SUMF2: variants seen among roughly 807,000 people sequenced by gnomAD.
The protein encoded by SUMF2 is inactive C-alpha-formylglycine-generating enzyme 2.
A neutral mutation model predicts 44.8 loss-of-function variants in SUMF2; 45 were observed. The observed-to-expected ratio is 1.00, with a 90% CI of 0.79 to 1.29. The LOEUF is 1.29. Among genes scored for constraint, SUMF2 ranks in the 50% most tolerant of loss-of-function variants. SUMF2 has a pLI of 0.00. For synonymous variants in SUMF2, 148 were observed against 150.4 expected, an observed-to-expected ratio of 0.98 and a Z score of 0.12; for missense variants, 418 against 389.9, an observed-to-expected ratio of 1.07 and a Z score of -0.61.
At chr7:56,071,715 G>A (rs1291030130) in intron 2 of SUMF2, among the ~76,000 whole-genome samples, 2 of 151,798 alleles carry the variant, frequency 1.3e-5, no homozygotes, top group Non-Finnish European at 2.9e-5. Flanking sequence ...AACCCAGGAG[G>A]TAGAGGTTGC....
the SUMF2 span, among the ~76,000 whole-genome samples, chr7:56,086,438 C>T: frequency 2.0e-5 from 3 of 152,072 alleles, no homozygotes; most frequent in East Asian, 3.9e-4. Context: ...TTTGGGAGGC[C>T]GAGGTGGGAG....
chr7:56,071,011 T>C (rs1345164982), intron 2 of SUMF2, among the ~76,000 whole-genome samples: 2 of 152,216 alleles, frequency 1.3e-5, no homozygotes, highest in Non-Finnish European at 1.5e-5. Flanking sequence ...GGAAATTTTT[T>C]TGGAGGTGAC....
intron 5 of SUMF2, among the ~76,000 whole-genome samples, chr7:56,076,028 A>ATT (rs71015183): frequency 3.9e-4 from 49 of 125,354 alleles, no homozygotes; most frequent in African/African-American, 7.6e-4. Flanking sequence ...ATGCCCGGCT[A>ATT]TTTTTTTTTT....
At chr7:56,087,296 A>G in the SUMF2 span, among the ~76,000 whole-genome samples, 109 of 151,672 alleles carry the variant, frequency 7.2e-4, no homozygotes, top group African/African-American at 2.5e-3. Context: ...ATCATAACTC[A>G]CTGCAGCCTC....
At position 56,064,301 on chromosome 7, in the gene SUMF2, C is replaced by T. The variant is rs1361736647; in HGVS notation, c.-11C>T. ...GGCCGTGGGTGTACGCGGCGCAGCG[C>T]GGCAGTCCTGATGGCCCGGCATGGG... On this transcript the variant is annotated 5_prime_UTR_variant, in exon 1 of 9. Transcript: ENST00000434526. 5 of 1,583,866 alleles carry T rather than the reference C, an allele frequency of 3.2e-6. No homozygotes were observed. The highest frequency in any genetic ancestry group is 1.3e-5 in the African/African-American group (1 of 74,302).
chr7:56,083,241 C>A, downstream of SUMF2: 2 of 1,605,538 alleles, frequency 1.2e-6, no homozygotes, highest in South Asian at 1.1e-5. Flanking sequence ...ATTGAGCACC[C>A]GAGGCCTGGA....
chr7:56,086,308 A>C, the SUMF2 span, among the ~76,000 whole-genome samples: 1 of 152,052 alleles, frequency 6.6e-6, no homozygotes. Context: ...CTATATGTAC[A>C]TACCTAAGAT....
At chr7:56,068,445 T>C (rs1248061078) in intron 1 of SUMF2, 37 bp from the exon 2 acceptor site, 60 of 1,568,260 alleles carry the variant, frequency 3.8e-5, no homozygotes, top group Non-Finnish European at 5.1e-5. Context: ...TTTATATATA[T>C]GCATGTATTA....
At chr7:56,076,028 ATTTT>A (rs71015183) in intron 5 of SUMF2, among the ~76,000 whole-genome samples, 1 of 125,348 alleles carries the variant, frequency 8.0e-6, no homozygotes, top group Non-Finnish European at 1.6e-5. Flanking sequence ...ATGCCCGGCT[ATTTT>A]TTTTTTTTTT....
chr7:56,065,800 G>A (rs1424561638), intron 1 of SUMF2, among the ~76,000 whole-genome samples: 7 of 151,958 alleles, frequency 4.6e-5, no homozygotes, highest in Non-Finnish European at 8.8e-5. Context: ...AACTGAAAAT[G>A]GGCCAGGTGA....
At chr7:56,073,291 C>G in intron 3 of SUMF2, 180 bp downstream of exon 3, 1 of 669,890 alleles carries the variant, frequency 1.5e-6, no homozygotes, top group Non-Finnish European at 2.8e-6. Context: ...GAAGTTAACC[C>G]TGAACCCAAG....
chr7:56,083,639 G>T (rs1320258643), downstream of SUMF2: 1 of 1,577,744 alleles, frequency 6.3e-7, no homozygotes, highest in Non-Finnish European at 8.6e-7. Flanking sequence ...GAAGGGCAAA[G>T]GGACCCTCAC....
At chr7:56,084,872 C>T (rs561048439), downstream of SUMF2, among the ~76,000 whole-genome samples, 23 of 152,270 alleles carry the variant, frequency 1.5e-4, no homozygotes, top group African/African-American at 5.1e-4. Context: ...ATAGCTTCCC[C>T]CAGCAACTTC....
the SUMF2 span, chr7:56,087,776 C>T: frequency 2.1e-5 from 33 of 1,609,612 alleles, no homozygotes; most frequent in African/African-American, 4.0e-5. Context: ...TGCTAACGCC[C>T]CTGGGAGTGC....
At chr7:56,081,199 A>G, downstream of SUMF2, 1 of 1,613,902 alleles carries the variant, frequency 6.2e-7, no homozygotes, top group Non-Finnish European at 8.5e-7. The surrounding 1 kb of genome is among the most constrained non-coding windows in gnomAD (Gnocchi z 4.6). Flanking sequence ...CAGAGGCCGG[A>G]GGGCATAGGG....
downstream of SUMF2, chr7:56,084,358 G>A (rs1005804582): frequency 7.1e-6 from 4 of 566,478 alleles, no homozygotes; most frequent in Admixed American, 3.4e-5. Context: ...TCAGAAGGAC[G>A]TGAGTATCCC....
chr7:56,071,018 T>G (rs1795120839), intron 2 of SUMF2, among the ~76,000 whole-genome samples: 1 of 152,156 alleles, frequency 6.6e-6, no homozygotes, highest in South Asian at 2.1e-4. Context: ...TTTTTGGAGG[T>G]GACCGATGGA....
rs78007715 is a variant in SUMF2, at chr7:56,079,076, G to A, written c.822-452G>A. On this transcript the variant is annotated intron_variant, in intron 8 of 8. Transcript: ENST00000434526. ...TTTTGTAGAGATGAGTTTTTGCCAT[G>A]CTGCCTAGGTTTGTCTCATACTCCT... is the stretch of plus-strand genomic sequence containing the variant. 4.7e-3 allele frequency: 2,476 copies of A among 531,624 alleles called. 70 individuals carry two copies. Among genetic ancestry groups the A allele is most frequent in the South Asian group, 0.034 (1,249 of 36,506 alleles). 32.9% of individuals were successfully genotyped at this position (531,624 alleles called of 1,614,324 possible).
In SUMF2 at chr7:56,073,038, T is replaced by C. The variant is rs1401072942; in HGVS notation, c.266T>C (p.Met89Thr). The part of the protein sequence containing the change: ...REKKYRTEAE[M>T]FGWSFVFEDF... ...AAAAAGTATCGGACAGAAGCTGAGA[T>C]GTTTGGATGGAGCTTTGTCTTTGAG... Residue 89 changes from methionine (M) to threonine (T), a missense_variant, in exon 3 of 9, where the codon ATG becomes ACG. Physicochemically the swap from Met to Thr is moderately conservative, Grantham distance 81. Coordinates refer to ENST00000434526, the MANE Select transcript of SUMF2 (RefSeq NM_015411.4). The C allele has an allele frequency of 5.0e-6, 8 of 1,613,974 alleles. No individual in the cohort carries two copies. The highest frequency in any genetic ancestry group is 6.8e-6 in the Non-Finnish European group (8 of 1,180,024).
Sources: gnomAD v4.1 joint callset for allele counts (sites outside exome capture counted in the v4.1 genomes callset) on GRCh38, gnomAD v4.1.1 for gene constraint, Gnocchi (gnomAD v3.1) non-coding constraint, MANE v1.5 for transcripts, NCBI Gene and HGNC (gene_info 2026-07-23, HGNC 2026-07-21) for gene names.